PDE1A: variants seen among roughly 807,000 people sequenced by gnomAD.
The protein encoded by PDE1A is dual specificity calcium/calmodulin-dependent 3',5'-cyclic nucleotide phosphodiesterase 1A.
In PDE1A, 35 loss-of-function variants were observed where a neutral mutation model predicts 61.7. That is an observed-to-expected ratio of 0.57 (90% CI 0.43 to 0.75). The LOEUF (loss-of-function observed/expected upper bound fraction) is 0.75. PDE1A is among the 30% of genes least tolerant of loss of function. The probability of loss-of-function intolerance (pLI) is 0.00; values close to 1 mark genes in which losing one functional copy is unlikely to be tolerated. For missense variants in PDE1A, 597 were observed against 630.6 expected, an observed-to-expected ratio of 0.95 and a Z score of 0.57; for synonymous variants, 232 against 213.2, an observed-to-expected ratio of 1.09 and a Z score of -0.77.
chr2:182,670,050 T>C, the PDE1A span, among the ~76,000 whole-genome samples: 1 of 152,200 alleles, frequency 6.6e-6, no homozygotes, highest in African/African-American at 2.4e-5. Flanking sequence ...CAAGCAGTTT[T>C]GGTTTTCCTG....
At chr2:182,227,994 C>T (rs376008069) in intron 6 of PDE1A, among the ~76,000 whole-genome samples, 8 of 152,222 alleles carry the variant, frequency 5.3e-5, no homozygotes, top group South Asian at 2.1e-4. Context: ...TTAGAGAGAA[C>T]GCAGTGCCAG....
rs532511418 is a variant in PDE1A, at chr2:182,307,772, CTG to C, written c.54-43360_54-43359del. 9.7e-4 allele frequency among the ~76,000 whole-genome samples: 147 copies of C among 152,190 alleles called. 1 individual carries two copies. Among genetic ancestry groups the C allele is most frequent in the African/African-American group, 3.2e-3 (134 of 41,540 alleles). Reference sequence around the variant, plus strand: ...CTTATAGTCCTAGCTACCTGGGAAACTGAGGTGGGGGGATGGCTTGAGACAGT... The same window carrying C: ...CTTATAGTCCTAGCTACCTGGGAAACAGGTGGGGGGATGGCTTGAGACAGT... On this transcript the variant is annotated intron_variant, in intron 1 of 13. Transcript: ENST00000351439.
chr2:182,283,362 AT>A, intron 1 of PDE1A, among the ~76,000 whole-genome samples: 1 of 151,930 alleles, frequency 6.6e-6, no homozygotes, highest in Non-Finnish European at 1.5e-5. Flanking sequence ...AGTCCACCTT[AT>A]CAATATGAGA....
the PDE1A span, among the ~76,000 whole-genome samples, chr2:182,668,370 T>C: frequency 1.3e-5 from 2 of 152,066 alleles, no homozygotes; most frequent in East Asian, 3.9e-4. Flanking sequence ...ATGAGTGTTA[T>C]AAGCATACCT....
intron 1 of PDE1A, among the ~76,000 whole-genome samples, chr2:182,407,261 C>G (rs1202027627): frequency 6.6e-6 from 1 of 152,190 alleles, no homozygotes. Flanking sequence ...AAATCTTCAT[C>G]AAAAAAGTCA....
At position 182,381,533 on chromosome 2, in the gene PDE1A, G is replaced by C. The variant is rs1342209664; in HGVS notation, c.53+45045C>G. Among the ~76,000 whole-genome samples, 5 of 152,156 alleles carry C rather than the reference G, an allele frequency of 3.3e-5. No individual in the cohort carries two copies. The East Asian group carries it at 9.6e-4, about 29-fold the overall frequency. ...AAGTTGCTTATAAACGTTATATTAG[G>C]CCAGGCACGGTGGCTCACGCCTATA... On this transcript the variant is annotated intron_variant, in intron 1 of 13. Coordinates refer to ENST00000351439, the Ensembl canonical transcript of PDE1A.
chr2:182,299,646 G>A (rs1695107601), intron 1 of PDE1A, among the ~76,000 whole-genome samples: 1 of 151,782 alleles, frequency 6.6e-6, no homozygotes, highest in African/African-American at 2.4e-5. Flanking sequence ...CAGTTTCTGT[G>A]CTAGATGTGT....
chr2:182,624,139 AAAAG>A, the PDE1A span, among the ~76,000 whole-genome samples: 2,049 of 151,604 alleles, frequency 0.014, 43 homozygotes, highest in African/African-American at 0.047. Context: ...AAAAAAAAAA[AAAAG>A]AAGAAGACAG....
the PDE1A span, among the ~76,000 whole-genome samples, chr2:182,688,477 C>T: frequency 6.6e-6 from 1 of 152,124 alleles, no homozygotes; most frequent in Non-Finnish European, 1.5e-5. Context: ...CAAGCAAATG[C>T]CGAGAGATTT....
chr2:182,427,542 T>G (rs375648959), upstream of PDE1A, among the ~76,000 whole-genome samples: 16 of 152,080 alleles, frequency 1.1e-4, no homozygotes, highest in East Asian at 3.1e-3. Flanking sequence ...AAAAAGCCCC[T>G]CCAAAGTGCC....
chr2:182,230,403 G>T (rs989783135), intron 5 of PDE1A, among the ~76,000 whole-genome samples: 3 of 152,144 alleles, frequency 2.0e-5, no homozygotes, highest in African/African-American at 4.8e-5. Context: ...TGAAATTTTA[G>T]TATCTTCCGG....
chr2:182,682,859 G>T, the PDE1A span, among the ~76,000 whole-genome samples: 1 of 152,136 alleles, frequency 6.6e-6, no homozygotes, highest in African/African-American at 2.4e-5. Context: ...AACCTTATCA[G>T]ATAAGATTGC....
chr2:182,186,236 C>G lies in PDE1A; in HGVS notation c.1329-157G>C, dbSNP rs1368216. Among the ~76,000 whole-genome samples, 31,125 of 152,050 alleles carry G rather than the reference C, an allele frequency of 0.2. 3,410 individuals are homozygous for G. The highest frequency in any genetic ancestry group is 0.33 in the East Asian group (1,696 of 5,152). ...GCAGCTGCTCATCTCCTTTCTCTCCCTCCCCACACTGGATTCTCCTTAGTA... is the reference window on the plus strand; with the variant it reads ...GCAGCTGCTCATCTCCTTTCTCTCCGTCCCCACACTGGATTCTCCTTAGTA... On this transcript the variant is annotated intron_variant, in intron 12 of 13. Coordinates refer to ENST00000351439, the Ensembl canonical transcript of PDE1A.
chr2:182,563,451 T>C, the PDE1A span, among the ~76,000 whole-genome samples: 1 of 152,198 alleles, frequency 6.6e-6, no homozygotes, highest in Non-Finnish European at 1.5e-5. Context: ...TCTTTTCCAT[T>C]TGCTGAGGAG....
At chr2:182,534,210 T>C in the PDE1A span, among the ~76,000 whole-genome samples, 1 of 152,070 alleles carries the variant, frequency 6.6e-6, no homozygotes, top group Non-Finnish European at 1.5e-5. Flanking sequence ...GTACATCTAA[T>C]GGCTGCATAG....
chr2:182,411,058 A>T (rs1455233800), intron 1 of PDE1A, among the ~76,000 whole-genome samples: 1 of 152,250 alleles, frequency 6.6e-6, no homozygotes, highest in African/African-American at 2.4e-5. Context: ...AATGAAACAC[A>T]TCCATGTAAG....
At chr2:182,264,818 G>A (rs986976435) in intron 1 of PDE1A, among the ~76,000 whole-genome samples, 2 of 139,478 alleles carry the variant, frequency 1.4e-5, no homozygotes, top group Non-Finnish European at 3.1e-5. Context: ...GCAAAAATAT[G>A]GAACCAACCT....
At chr2:182,202,868 A>G (rs1389246982) in intron 8 of PDE1A, among the ~76,000 whole-genome samples, 1 of 152,238 alleles carries the variant, frequency 6.6e-6, no homozygotes, top group Non-Finnish European at 1.5e-5. Flanking sequence ...AAGTTAAAAA[A>G]GTCACTTGTA....
chr2:182,406,007 T>C (rs1241094524), intron 1 of PDE1A, among the ~76,000 whole-genome samples: 1 of 152,020 alleles, frequency 6.6e-6, no homozygotes, highest in African/African-American at 2.4e-5. Flanking sequence ...GGATCCATCT[T>C]AGGTCAAAGA....
Sources: allele counts gnomAD v4.1 joint callset (sites outside exome capture counted in the v4.1 genomes callset), GRCh38; gene constraint gnomAD v4.1.1; transcripts MANE v1.5; gene names NCBI Gene and HGNC (gene_info 2026-07-23, HGNC 2026-07-21).